Variants in CIT observed in about 807,000 individuals in gnomAD.
CIT encodes the protein citron rho-interacting serine/threonine kinase.
CIT carries 79 observed loss-of-function variants against 272.7 expected under a neutral mutation model. The observed-to-expected ratio is 0.29, with a 90% confidence interval of 0.24 to 0.35. CIT has a LOEUF of 0.35. CIT is among the 10% of genes least tolerant of loss of function. The pLI is 1.00. For synonymous variants in CIT, 948 were observed against 995.6 expected, an observed-to-expected ratio of 0.95 and a Z score of 0.90; for missense variants, 1,909 against 2,618.3, an observed-to-expected ratio of 0.73 and a Z score of 5.91.
chr12:119,851,970 C>T (rs1199566487), intron 4 of CIT, among the ~76,000 whole-genome samples: 2 of 152,156 alleles, frequency 1.3e-5, no homozygotes, highest in Non-Finnish European at 2.9e-5. Flanking sequence ...GAGTTCAAGG[C>T]TGCAGTGAGC....
In CIT at chr12:119,710,206, C is replaced by A; in HGVS notation, c.5071+45G>T. 6.3e-7 allele frequency: 1 copy of A among 1,595,228 alleles called. No individual in the cohort carries two copies. The highest frequency in any genetic ancestry group is 8.5e-7 in the Non-Finnish European group (1 of 1,172,762). On this transcript the variant is annotated intron_variant, in intron 39 of 47. Transcript: ENST00000392521. This position sits in a 1 kb window ranked among gnomAD's most constrained non-coding sequence, Gnocchi z 5.6. ...ATGAAACGTGGCTTCAACATATTGG[C>A]TCCCTTGAAAGTAAAGAAAAAACAC...
At chr12:119,703,102 T>C (rs529704467) in intron 41 of CIT, among the ~76,000 whole-genome samples, 26 of 152,198 alleles carry the variant, frequency 1.7e-4, no homozygotes, top group Non-Finnish European at 2.1e-4. Flanking sequence ...GAATATTTCT[T>C]GGTCACCTAC....
chr12:119,840,528 C>G (rs4766951), intron 5 of CIT, among the ~76,000 whole-genome samples: 3 of 151,946 alleles, frequency 2.0e-5, no homozygotes, highest in African/African-American at 7.3e-5. Flanking sequence ...CTCAAAGAAC[C>G]TCCCAAAGGC....
At chr12:119,720,899 T>C (rs1957787389) in intron 29 of CIT, among the ~76,000 whole-genome samples, 1 of 152,242 alleles carries the variant, frequency 6.6e-6, no homozygotes, top group Non-Finnish European at 1.5e-5. Context: ...ACACACAATA[T>C]GCAGCACAAA....
chr12:119,769,708 C>CAGA (rs991762184), intron 18 of CIT, among the ~76,000 whole-genome samples: 7 of 152,246 alleles, frequency 4.6e-5, no homozygotes, highest in African/African-American at 1.4e-4. Context: ...TCTTTGTGTG[C>CAGA]AGACATATAT....
chr12:119,869,498 T>G (rs1950606190), intron 2 of CIT, among the ~76,000 whole-genome samples: 2 of 152,208 alleles, frequency 1.3e-5, no homozygotes, highest in Admixed American at 6.5e-5. Flanking sequence ...CTAGTGAGAA[T>G]ATTTCCTCTG....
intron 19 of CIT, among the ~76,000 whole-genome samples, chr12:119,766,458 T>C (rs899707191): frequency 6.6e-6 from 1 of 152,076 alleles, no homozygotes; most frequent in Non-Finnish European, 1.5e-5. Flanking sequence ...ACATAGAGTA[T>C]AGAAGGATGG....
chr12:119,710,129 A>T lies in CIT; in HGVS notation c.5071+122T>A. The T allele has an allele frequency of 9.2e-7, 1 of 1,091,256 alleles. No homozygotes were observed. Among genetic ancestry groups the T allele is most frequent in the Non-Finnish European group, 1.3e-6 (1 of 750,892 alleles). The allele number at this position is 1,091,256 out of a possible 1,614,324, so 67.6% of individuals were successfully genotyped here. A position where few individuals can be genotyped will look rare whatever the true frequency, so the allele number is the denominator to read the frequency against. ...CTGAGGCTTGGGCATCTATGGGGAC[A>T]CAGAGATAAGAGCTACAACGGCTCC... On this transcript the variant is annotated intron_variant, in intron 39 of 47. Coordinates refer to ENST00000392521, the MANE Select transcript of CIT (RefSeq NM_001206999.2). This position sits in a 1 kb window ranked among gnomAD's most constrained non-coding sequence, Gnocchi z 5.6.
chr12:119,812,106 T>C (rs1430683761), intron 9 of CIT, among the ~76,000 whole-genome samples: 1 of 151,490 alleles, frequency 6.6e-6, no homozygotes, highest in Non-Finnish European at 1.5e-5. Flanking sequence ...CCACCATGCC[T>C]GGATACTTTT....
intron 28 of CIT, among the ~76,000 whole-genome samples, chr12:119,725,209 G>A (rs1459440067): frequency 6.6e-6 from 1 of 152,090 alleles, no homozygotes; most frequent in Non-Finnish European, 1.5e-5. Flanking sequence ...GATCATTTGA[G>A]GCCAGGAGTT....
intron 26 of CIT, among the ~76,000 whole-genome samples, chr12:119,731,303 C>T (rs922996596): frequency 1.3e-5 from 2 of 151,608 alleles, no homozygotes; most frequent in African/African-American, 2.4e-5. Context: ...GGTGAAACCC[C>T]GTCTCTACAA....
At chr12:119,714,566 C>T (rs182432695) in intron 32 of CIT, among the ~76,000 whole-genome samples, 52 of 152,108 alleles carry the variant, frequency 3.4e-4, no homozygotes, top group Non-Finnish European at 5.9e-4. Flanking sequence ...AAATGGCCAA[C>T]GAGCAAATGA....
chr12:119,736,402 C>T (rs1315028398), intron 24 of CIT, among the ~76,000 whole-genome samples: 1 of 150,726 alleles, frequency 6.6e-6, no homozygotes, highest in Non-Finnish European at 1.5e-5. Context: ...AAAAAATCTT[C>T]CCAGGCACAT....
intron 47 of CIT, among the ~76,000 whole-genome samples, chr12:119,689,883 A>T (rs1250996198): frequency 6.6e-6 from 1 of 151,658 alleles, no homozygotes; most frequent in African/African-American, 2.4e-5. Context: ...GTTTCACCAC[A>T]TTAGCCAGGA....
intron 13 of CIT, among the ~76,000 whole-genome samples, chr12:119,779,081 A>G (rs200040998): frequency 6.6e-6 from 1 of 152,120 alleles, no homozygotes; most frequent in Non-Finnish European, 1.5e-5. Flanking sequence ...TTAGCCAGAC[A>G]TGGTGGTGAG....
chr12:119,725,686 T>C (rs1958055753), intron 28 of CIT, among the ~76,000 whole-genome samples: 1 of 152,204 alleles, frequency 6.6e-6, no homozygotes, highest in Admixed American at 6.5e-5. Flanking sequence ...TGTTCTCATG[T>C]AGGTTAGAAG....
Position 119,705,771 on chromosome 12 carries a change from C to CAAA in CIT, c.5212-1319_5212-1317dup, listed in dbSNP as rs148188101. Among the ~76,000 whole-genome samples the CAAA allele has an allele frequency of 5.6e-4, 26 of 46,618 alleles. 2 individuals carry two copies. Among genetic ancestry groups the CAAA allele is most frequent in the African/African-American group, 9.1e-4 (13 of 14,286 alleles). 30.6% of individuals were successfully genotyped at this position (46,618 alleles called of 152,430 possible). ...TGGGTGACAGAGTGAGACTCTGTCTCAAAAAAAAAAAAAAAAAAAAAAAAA... is the reference window on the plus strand; with the variant it reads ...TGGGTGACAGAGTGAGACTCTGTCTCAAAAAAAAAAAAAAAAAAAAAAAAAAAA... On this transcript the variant is annotated intron_variant, in intron 40 of 47. Transcript: ENST00000392521.
Position 119,807,091 on chromosome 12 carries a change from C to T in CIT, c.1112-3702G>A, listed in dbSNP as rs576481526. On this transcript the variant is annotated intron_variant, in intron 9 of 47. Coordinates refer to ENST00000392521, the MANE Select transcript of CIT (RefSeq NM_001206999.2). The stretch of plus-strand genomic sequence containing the variant: ...CAGGAGCTGGTTAGAATTTAATTCT[C>T]TAAGAATCTCAGGCCCTGCCCCATA... 5.9e-5 allele frequency among the ~76,000 whole-genome samples: 9 copies of T among 152,294 alleles called. No homozygotes were observed. The East Asian group carries it at 1.7e-3, about 29-fold the overall frequency.
chr12:119,863,092 C>T (rs1950408695), intron 3 of CIT, among the ~76,000 whole-genome samples: 1 of 149,098 alleles, frequency 6.7e-6, no homozygotes, highest in Non-Finnish European at 1.5e-5. Flanking sequence ...GTCCCAGCTA[C>T]TCAGGAGGCT....
Sources: allele counts gnomAD v4.1 joint callset (sites outside exome capture counted in the v4.1 genomes callset), GRCh38; gene constraint gnomAD v4.1.1; non-coding constraint Gnocchi (gnomAD v3.1); transcripts MANE v1.5; gene names NCBI Gene and HGNC (gene_info 2026-07-23, HGNC 2026-07-21).